Variants in PITPNM1 observed in about 807,000 individuals in gnomAD.
PITPNM1 encodes the protein phosphatidylinositol transfer protein membrane associated 1.
A neutral mutation model predicts 133.3 loss-of-function variants in PITPNM1; 74 were observed. The ratio of observed to expected loss-of-function variants is 0.56; its 90% CI spans 0.46 to 0.67. The LOEUF (loss-of-function observed/expected upper bound fraction) is 0.67, where lower values mean the gene tolerates loss of function less well. Ranked by LOEUF, PITPNM1 falls within the 30% of genes least tolerant of loss-of-function variation. The probability of loss-of-function intolerance (pLI) is 0.00; values close to 1 mark genes in which losing one functional copy is unlikely to be tolerated. For synonymous variants in PITPNM1, 738 were observed against 741.4 expected, an observed-to-expected ratio of 1.00 and a Z score of 0.08; for missense variants, 1,398 against 1,739.5, an observed-to-expected ratio of 0.80 and a Z score of 3.49.
Position 67,497,385 on chromosome 11 carries a change from G to A in PITPNM1, c.1992C>T (p.Ser664=), listed in dbSNP as rs746232100. The part of the protein sequence containing the change: ...TTSSWEPRRA[S]TAFCPPAASS... ...TGGCAGCGGGTGGGCAGAAGGCCGT[G>A]CTTGCCCGCCGGGGCTCCCAGGAGG... is the stretch of plus-strand genomic sequence containing the variant. Residue 664 remains serine (S), a synonymous_variant, in exon 14 of 24, where the codon AGC becomes AGT. Transcript: ENST00000356404. 31 of 1,594,130 alleles carry A rather than the reference G, an allele frequency of 1.9e-5. No individual in the cohort carries two copies. The highest frequency in any genetic ancestry group is 1.7e-4 in the Middle Eastern group (1 of 5,998).
Position 67,501,939 on chromosome 11 carries a change from C to G in PITPNM1, c.563G>C (p.Cys188Ser). Reference protein sequence around the residue: ...RTAAQTGPLMCAYKLCKVEFR... With the variant: ...RTAAQTGPLMSAYKLCKVEFR... ...CTCAACCTTGCACAGCTTATAGGCA[C>G]ACATAAGGGGCCCCGTCTGTGCCGC... The change falls in exon 5 of 24, where the codon TGT becomes TCT. Residue 188 changes from cysteine (C) to serine (S), a missense_variant. Cys to Ser is a moderately radical substitution (Grantham distance 112). Coordinates refer to ENST00000356404, the MANE Select transcript of PITPNM1 (RefSeq NM_004910.3). The G allele has an allele frequency of 6.2e-7, 1 of 1,613,586 alleles. No homozygotes were observed. The highest frequency in any genetic ancestry group is 8.5e-7 in the Non-Finnish European group (1 of 1,180,026).
chr11:67,493,213 C>A lies in PITPNM1; in HGVS notation c.3343-151G>T, dbSNP rs1177768070. ...AGTCCCACGGGGACAGGGGCGGGAC[C>A]AGCTGCATCTCCCTAGTTGCCCCTA... is the stretch of plus-strand genomic sequence containing the variant. On this transcript the variant is annotated intron_variant, in intron 22 of 23. Coordinates refer to ENST00000356404, the MANE Select transcript of PITPNM1 (RefSeq NM_004910.3). The A allele has an allele frequency of 4.5e-6, 5 of 1,117,428 alleles. No individual in the cohort carries two copies. In the Admixed American group the frequency reaches 8.7e-5, roughly 19 times the overall value. The allele number at this position is 1,117,428 out of a possible 1,614,324, so 69.2% of individuals were successfully genotyped here.
At position 67,502,792 on chromosome 11, in the gene PITPNM1, G is replaced by T; in HGVS notation, c.79-74C>A. ...TCTGGGATCCCCAGCTCAGCCTGGT[G>T]TTCTACACAGCTCTGGGGCCCTGGT... On this transcript the variant is annotated intron_variant, in intron 2 of 23. Transcript: ENST00000356404. This position sits in a 1 kb window ranked among gnomAD's most constrained non-coding sequence, Gnocchi z 5.9. 1 of 1,452,854 alleles carries T rather than the reference G, an allele frequency of 6.9e-7. No individual in the cohort carries two copies. The allele number at this position is 1,452,854 out of a possible 1,614,324, so 90.0% of individuals were successfully genotyped here. A position where few individuals can be genotyped will look rare whatever the true frequency, so the allele number is the denominator to read the frequency against.
rs575830973 is a variant in PITPNM1 at position 67,494,962 on chromosome 11, C to T, written c.2632-6G>A. 2.5e-6 allele frequency: 4 copies of T among 1,611,764 alleles called. No individual in the cohort carries two copies. The African/African-American group carries it at 5.3e-5, about 21-fold the overall frequency. On this transcript the variant is annotated splice_region_variant and splice_polypyrimidine_tract_variant and intron_variant, in intron 17 of 23. Transcript: ENST00000356404. ...GGCCGCTCCTTCTCGATCACCTGCA[C>T]GGGACAGGGGGCGAGGCCTCTGTCT...
intron 5 of PITPNM1, among the ~76,000 whole-genome samples, chr11:67,501,586 ACTCATAG>A (rs1160123171): frequency 6.6e-6 from 1 of 152,170 alleles, no homozygotes; most frequent in African/African-American, 2.4e-5. Flanking sequence ...GTCTCATCTA[ACTCATAG>A]GATGATGGAG....
chr11:67,491,883 G>T lies in PITPNM1; in HGVS notation c.*150C>A. 1 of 864,970 alleles carries T rather than the reference G, an allele frequency of 1.2e-6. No homozygotes were observed. Among genetic ancestry groups the T allele is most frequent in the East Asian group, 2.7e-5 (1 of 37,446 alleles). 53.6% of individuals were successfully genotyped at this position (864,970 alleles called of 1,614,324 possible). On this transcript the variant is annotated 3_prime_UTR_variant, in exon 24 of 24. Transcript: ENST00000356404. ...CTGGGTCCCCTCATATGAAAGGGAAGTAACACCGAGGAGCACACGGAGATA... is the reference window on the plus strand; with the variant it reads ...CTGGGTCCCCTCATATGAAAGGGAATTAACACCGAGGAGCACACGGAGATA...
chr11:67,504,023 G>T lies in PITPNM1; in HGVS notation c.78+80C>A. The T allele has an allele frequency of 2.7e-6, 3 of 1,122,492 alleles. No individual in the cohort carries two copies. The highest frequency in any genetic ancestry group is 3.8e-6 in the Non-Finnish European group (3 of 791,970). The allele number at this position is 1,122,492 out of a possible 1,614,324, so 69.5% of individuals were successfully genotyped here. On this transcript the variant is annotated intron_variant, in intron 2 of 23. Coordinates refer to ENST00000356404, the MANE Select transcript of PITPNM1 (RefSeq NM_004910.3). This position sits in a 1 kb window ranked among gnomAD's most constrained non-coding sequence, Gnocchi z 5.4. ...TCTTGCCTCCTCCGGGCTCCCAGCC[G>T]GTCCCAGCCCCGGGGCAGGGCTGGC...
In PITPNM1 at chr11:67,504,077, G is replaced by A. The variant is rs761226595; in HGVS notation, c.78+26C>T. 59 of 1,559,914 alleles carry A rather than the reference G, an allele frequency of 3.8e-5. No homozygotes were observed. In the South Asian group the frequency reaches 5.9e-4, roughly 16 times the overall value. On this transcript the variant is annotated intron_variant, in intron 2 of 23. Coordinates refer to ENST00000356404, the MANE Select transcript of PITPNM1 (RefSeq NM_004910.3). The surrounding 1 kb of genome is among the most constrained non-coding windows in gnomAD (Gnocchi z 5.4). ...GTCGGCAGGGCTCCACCCCTTGCCC[G>A]GGTGCCCTCTCCCCGCCGCCCTCAC... is the stretch of plus-strand genomic sequence containing the variant.
rs772295448 is a variant in PITPNM1 at position 67,494,801 on chromosome 11, C to CGAGAGTGGGA, written c.2742+44_2742+45insTCCCACTCTC. 2.9e-6 allele frequency: 4 copies of CGAGAGTGGGA among 1,396,396 alleles called. No homozygotes were observed. The Admixed American group carries it at 6.8e-5, about 24-fold the overall frequency. The allele number at this position is 1,396,396 out of a possible 1,614,324, so 86.5% of individuals were successfully genotyped here. On this transcript the variant is annotated intron_variant, in intron 18 of 23. Transcript: ENST00000356404. ...GGGCGGGGCCTCTCTGGTGAGTGGG[C>CGAGAGTGGGA]GAGAGTGGGCGAGTGGGCGAGGGGG...
rs926260236 is a variant in PITPNM1 at position 67,493,484 on chromosome 11, C to G, written c.3268G>C (p.Val1090Leu). ...TGGGTGAGGCCGTCGCAGAAGGAGA[C>G]GACGCCGTGGGGGAAGTTGTGCTGC... The part of the protein sequence containing the change: ...LSQHNFPHGV[V>L]SFCDGLTHDP... The change falls in exon 22 of 24, where the codon GTC becomes CTC. Residue 1090 changes from valine to leucine, a missense_variant. Transcript: ENST00000356404. 1 of 1,603,664 alleles carries G rather than the reference C, an allele frequency of 6.2e-7. No individual in the cohort carries two copies. Among genetic ancestry groups the G allele is most frequent in the South Asian group, 1.1e-5 (1 of 89,682 alleles).
intron 5 of PITPNM1, among the ~76,000 whole-genome samples, 158 bp downstream of exon 5, chr11:67,501,704 C>CT (rs905668501): frequency 6.6e-6 from 1 of 152,214 alleles, no homozygotes; most frequent in Non-Finnish European, 1.5e-5. Flanking sequence ...GGATGCCTGG[C>CT]TAGGCTGTGC....
Position 67,500,324 on chromosome 11 carries a change from C to T in PITPNM1, c.738G>A (p.Glu246=). 4.3e-6 allele frequency: 7 copies of T among 1,612,112 alleles called. No individual in the cohort carries two copies. Among genetic ancestry groups the T allele is most frequent in the Non-Finnish European group, 5.9e-6 (7 of 1,179,916 alleles). ...GCTGGGCCAGCATGCGAGCAGTCTC[C>T]TCTTCCAGTGCCCGGATGTCAGCCA... ...LSMADIRALE[E]ETARMLAQRM... Residue 246 remains glutamate (E), a synonymous_variant, in exon 6 of 24, where the codon GAG becomes GAA. Coordinates refer to ENST00000356404, the MANE Select transcript of PITPNM1 (RefSeq NM_004910.3).
chr11:67,496,419 G>A (rs1866124568), intron 14 of PITPNM1, 71 bp from the exon 15 acceptor site: 1 of 1,403,198 alleles, frequency 7.1e-7, no homozygotes, highest in Non-Finnish European at 9.6e-7. Flanking sequence ...GGTAGGGGGT[G>A]TGGGAGCAGC....
At chr11:67,492,391 G>T in intron 23 of PITPNM1, 95 bp from the exon 24 acceptor site, 1 of 1,307,076 alleles carries the variant, frequency 7.7e-7, no homozygotes, top group Non-Finnish European at 1.0e-6. Context: ...GCAGGCTGGG[G>T]GACTGGTGGC....
intron 17 of PITPNM1, 58 bp downstream of exon 17, chr11:67,495,019 C>T (rs1314597321): frequency 1.2e-6 from 2 of 1,605,484 alleles, no homozygotes; most frequent in African/African-American, 1.3e-5. Flanking sequence ...CCTCCCCCGG[C>T]CCAAAGCAGC....
In PITPNM1 at chr11:67,498,421, C is replaced by G; in HGVS notation, c.1485-99G>C. 3 of 1,397,202 alleles carry G rather than the reference C, an allele frequency of 2.1e-6. No homozygotes were observed. In the South Asian group the frequency reaches 4.2e-5, roughly 20 times the overall value. 86.6% of individuals were successfully genotyped at this position (1,397,202 alleles called of 1,614,324 possible). A position where few individuals can be genotyped will look rare whatever the true frequency, so the allele number is the denominator to read the frequency against. ...CTGGCAGGCCCTGGCTCTGTGGGTC[C>G]TCTGTGGGGAGCGTTAGCCCCAAGA... On this transcript the variant is annotated intron_variant, in intron 10 of 23. Transcript: ENST00000356404. This position sits in a 1 kb window ranked among gnomAD's most constrained non-coding sequence, Gnocchi z 5.7.
rs772626270 is a variant in PITPNM1, at chr11:67,493,935, G to A, written c.2995C>T (p.Arg999Cys). The change falls in exon 20 of 24, where the codon CGC becomes TGC. Residue 999 changes from arginine (R) to cysteine (C), a missense_variant. Arg to Cys is a radical substitution (Grantham distance 180). Coordinates refer to ENST00000356404, the MANE Select transcript of PITPNM1 (RefSeq NM_004910.3). ...RALGIGVYPVRMVVRGDHTYA... is the reference protein window; with the variant it reads ...RALGIGVYPVCMVVRGDHTYA... ...AGCCGCGCTCACCTGACCACCATGC[G>A]CACGGGGTAGACACCAATGCCCAGC... 6.3e-7 allele frequency: 1 copy of A among 1,578,582 alleles called. No homozygotes were observed. Among genetic ancestry groups the A allele is most frequent in the Admixed American group, 1.8e-5 (1 of 56,460 alleles).
chr11:67,501,824 T>C (rs1354842613), intron 5 of PITPNM1, 38 bp downstream of exon 5: 1 of 1,568,648 alleles, frequency 6.4e-7, no homozygotes, highest in African/African-American at 1.4e-5. Context: ...GTCTGGGGCA[T>C]GCTGGGTAAG....
At position 67,504,142 on chromosome 11, in the gene PITPNM1, G is replaced by T; in HGVS notation, c.39C>A (p.Ser13Arg). 6.2e-7 allele frequency: 1 copy of T among 1,609,780 alleles called. No individual in the cohort carries two copies. The change falls in exon 2 of 24, where the codon AGC becomes AGA. Residue 13 changes from serine to arginine, a missense_variant. By Grantham distance (110) the Ser-to-Arg change is moderately radical. Transcript: ENST00000356404. The surrounding 1 kb of genome is among the most constrained non-coding windows in gnomAD (Gnocchi z 5.4). ...IKEYHILLPM[S>R]LDEYQVAQLY... ...GCTGGGCCACCTGGTACTCGTCCAGGCTCATGGGCAGCAGAATGTGGTATT... is the reference window on the plus strand; with the variant it reads ...GCTGGGCCACCTGGTACTCGTCCAGTCTCATGGGCAGCAGAATGTGGTATT...
Sources: allele counts gnomAD v4.1 joint callset (sites outside exome capture counted in the v4.1 genomes callset), GRCh38; gene constraint gnomAD v4.1.1; non-coding constraint Gnocchi (gnomAD v3.1); transcripts MANE v1.5; gene names NCBI Gene and HGNC (gene_info 2026-07-23, HGNC 2026-07-21).